RSU1: variants seen among roughly 807,000 people sequenced by gnomAD.
The protein encoded by RSU1 is Ras suppressor protein 1.
In RSU1, 26 loss-of-function variants were observed where a neutral mutation model predicts 31.1. The ratio of observed to expected loss-of-function variants is 0.84; its 90% CI spans 0.61 to 1.16. RSU1 has a LOEUF of 1.16. RSU1 is among the 50% of genes most tolerant of loss of function. RSU1 has a pLI of 0.00. For synonymous variants in RSU1, 164 were observed against 136.3 expected (o/e 1.20, Z -1.41); for missense variants, 320 against 339.1 (o/e 0.94, Z 0.44).
At chr10:16,741,628 G>T (rs1836754195) in intron 7 of RSU1, among the ~76,000 whole-genome samples, 1 of 152,154 alleles carries the variant, frequency 6.6e-6, no homozygotes, top group African/African-American at 2.4e-5. Flanking sequence ...GTGATAAGTA[G>T]CATGGAAACC....
intron 2 of RSU1, among the ~76,000 whole-genome samples, chr10:16,784,575 G>A (rs550227367): frequency 1.1e-4 from 17 of 152,258 alleles, no homozygotes; most frequent in Admixed American, 9.2e-4. Context: ...AGACATACCC[G>A]AAACTGAGAC....
rs1015322108 is a variant in RSU1, at chr10:16,722,543, G to A, written c.599-27388C>T. Among the ~76,000 whole-genome samples the A allele has an allele frequency of 2.6e-5, 4 of 152,108 alleles. No homozygotes were observed. The East Asian group carries it at 7.7e-4, about 29-fold the overall frequency. Reference sequence around the variant, plus strand: ...AGTGAAAATATCCACCAAGCAATAAGATTTATCATCTGGGGTATCAGGTGA... The same window carrying A: ...AGTGAAAATATCCACCAAGCAATAAAATTTATCATCTGGGGTATCAGGTGA... On this transcript the variant is annotated intron_variant, in intron 7 of 8. Coordinates refer to ENST00000345264, the MANE Select transcript of RSU1 (RefSeq NM_012425.4).
intron 3 of RSU1, among the ~76,000 whole-genome samples, chr10:16,779,622 GT>G (rs1837609917): frequency 6.6e-6 from 1 of 152,106 alleles, no homozygotes; most frequent in Non-Finnish European, 1.5e-5. Flanking sequence ...GCAGTGCCGG[GT>G]GAGGGGGTGG....
chr10:16,746,116 G>A (rs1050459112), intron 7 of RSU1, among the ~76,000 whole-genome samples: 8 of 152,114 alleles, frequency 5.3e-5, no homozygotes, highest in African/African-American at 1.4e-4. Flanking sequence ...ATAATTGAGA[G>A]GAAATTCTCA....
chr10:16,650,576 CTTT>C (rs139231306), intron 8 of RSU1, among the ~76,000 whole-genome samples: 11 of 112,506 alleles, frequency 9.8e-5, no homozygotes, highest in Admixed American at 1.9e-4. Flanking sequence ...TCCTGAAAAG[CTTT>C]TTTTTTTTTT....
intron 7 of RSU1, among the ~76,000 whole-genome samples, chr10:16,730,373 C>A (rs766752548): frequency 6.6e-6 from 1 of 152,182 alleles, no homozygotes; most frequent in Non-Finnish European, 1.5e-5. Context: ...TGTACTATCC[C>A]TGGAAGAGAC....
intron 2 of RSU1, among the ~76,000 whole-genome samples, chr10:16,799,821 T>A (rs1302420872): frequency 6.6e-6 from 1 of 152,038 alleles, no homozygotes; most frequent in Non-Finnish European, 1.5e-5. Context: ...CCTTCCTGTC[T>A]CAATTTGGTA....
rs188383141 is a variant in RSU1, at chr10:16,644,772, A to G, written c.731+50251T>C. On this transcript the variant is annotated intron_variant, in intron 8 of 8. Transcript: ENST00000345264. ...GGAAGTAAGAGTGAACATTTTCTCA[A>G]TCCTATTAATAAAAGTGATCTGATA... 2.4e-3 allele frequency among the ~76,000 whole-genome samples: 368 copies of G among 152,330 alleles called. 1 individual carries two copies. The highest frequency in any genetic ancestry group is 8.4e-3 in the African/African-American group (350 of 41,562).
chr10:16,698,284 T>G (rs1835722325), intron 7 of RSU1, among the ~76,000 whole-genome samples: 1 of 152,056 alleles, frequency 6.6e-6, no homozygotes, highest in African/African-American at 2.4e-5. Context: ...CCTTGCTCGA[T>G]CATCCGAAAC....
At chr10:16,672,032 C>G (rs1334570156) in intron 8 of RSU1, among the ~76,000 whole-genome samples, 1 of 151,066 alleles carries the variant, frequency 6.6e-6, no homozygotes, top group Non-Finnish European at 1.5e-5. Context: ...GACGCGGTGG[C>G]TCATGCCTGT....
intron 8 of RSU1, among the ~76,000 whole-genome samples, chr10:16,605,920 G>C (rs1833796996): frequency 1.3e-5 from 2 of 152,178 alleles, no homozygotes; most frequent in African/African-American, 4.8e-5. Flanking sequence ...TCCTGCCTCA[G>C]CCTCCTGAGT....
At chr10:16,817,187 C>G in intron 1 of RSU1, 103 bp from the exon 2 acceptor site, 3 of 720,462 alleles carry the variant, frequency 4.2e-6, no homozygotes, top group East Asian at 7.7e-5. Context: ...AGGGTTGGAG[C>G]GGGTGGGCGT....
intron 8 of RSU1, among the ~76,000 whole-genome samples, chr10:16,638,297 C>T (rs118085194): frequency 2.0e-5 from 3 of 151,978 alleles, no homozygotes; most frequent in Admixed American, 6.6e-5. Context: ...AACGTAATGC[C>T]TTTTTTTCGC....
At chr10:16,792,954 A>T (rs1462237285) in intron 2 of RSU1, among the ~76,000 whole-genome samples, 3 of 152,238 alleles carry the variant, frequency 2.0e-5, no homozygotes, top group Non-Finnish European at 4.4e-5. Flanking sequence ...ACGCCTGCCC[A>T]TGTCGCATGG....
At chr10:16,710,200 G>T (rs1835988414) in intron 7 of RSU1, among the ~76,000 whole-genome samples, 1 of 152,118 alleles carries the variant, frequency 6.6e-6, no homozygotes, top group African/African-American at 2.4e-5. Context: ...TAACTAATTT[G>T]TTGAGTTTTT....
At chr10:16,776,562 A>C (rs1467332619) in intron 3 of RSU1, among the ~76,000 whole-genome samples, 1 of 152,128 alleles carries the variant, frequency 6.6e-6, no homozygotes, top group African/African-American at 2.4e-5. Flanking sequence ...CGATGCATTA[A>C]ATGATGAGAT....
intron 7 of RSU1, 87 bp from the exon 8 acceptor site, chr10:16,695,242 T>A: frequency 1.5e-6 from 2 of 1,322,930 alleles, no homozygotes; most frequent in East Asian, 2.3e-5. Flanking sequence ...ACAGCCTAAG[T>A]ACCCTAAATC....
chr10:16,811,436 G>C (rs552554296), intron 2 of RSU1, among the ~76,000 whole-genome samples: 23 of 152,306 alleles, frequency 1.5e-4, no homozygotes, highest in African/African-American at 5.5e-4. Context: ...ATGACCCTAT[G>C]AGGTGCTCTT....
In RSU1 at chr10:16,812,985, C is replaced by CTT. The variant is rs34410264; in HGVS notation, c.109+3986_109+3987dup. On this transcript the variant is annotated intron_variant, in intron 2 of 8. Coordinates refer to ENST00000345264, the MANE Select transcript of RSU1 (RefSeq NM_012425.4). ...GCAGCATTACGATTATGCTGGGAAG[C>CTT]TTTTTTTTTTTTTTAAGAGACAAGG... Among the ~76,000 whole-genome samples, 35 of 145,390 alleles carry CTT rather than the reference C, an allele frequency of 2.4e-4. No homozygotes were observed. In the East Asian group the frequency reaches 3.7e-3, roughly 15 times the overall value.
Sources: allele counts gnomAD v4.1 joint callset (sites outside exome capture counted in the v4.1 genomes callset), GRCh38; gene constraint gnomAD v4.1.1; transcripts MANE v1.5; gene names NCBI Gene and HGNC (gene_info 2026-07-23, HGNC 2026-07-21).